ZNF347: variants seen among roughly 807,000 people sequenced by gnomAD.
The protein encoded by ZNF347 is zinc finger protein 347.
Under a neutral mutation model 12.9 loss-of-function variants are expected in ZNF347, and 19 were observed. The ratio of observed to expected loss-of-function variants is 1.47; its 90% CI spans 1.03 to 2.16. The LOEUF is 2.16. Ranked by LOEUF, ZNF347 falls within the 30% of genes most tolerant of loss-of-function variation. The pLI, the probability that ZNF347 is intolerant of heterozygous loss-of-function variation, is 0.00. For missense variants in ZNF347, 1,005 were observed against 990.6 expected (o/e 1.01, Z -0.19); for synonymous variants, 328 against 340.6 (o/e 0.96, Z 0.41).
At chr19:53,158,204 G>A (rs2090547766) in intron 1 of ZNF347, among the ~76,000 whole-genome samples, 1 of 152,220 alleles carries the variant, frequency 6.6e-6, no homozygotes, top group African/African-American at 2.4e-5. Context: ...GCGGGCTCAG[G>A]AGAAGCGGGG....
Position 53,141,023 on chromosome 19 carries a change from C to A in ZNF347, c.1805G>T (p.Cys602Phe). 6.2e-7 allele frequency: 1 copy of A among 1,613,546 alleles called. No individual in the cohort carries two copies. Among genetic ancestry groups the A allele is most frequent in the Non-Finnish European group, 8.5e-7 (1 of 1,179,978 alleles). Reference sequence around the variant, plus strand: ...TGAATTATGCCTAAAGACCTTGCCACATTCATTACATTTATAAGGTTTCTC... The same window carrying A: ...TGAATTATGCCTAAAGACCTTGCCAAATTCATTACATTTATAAGGTTTCTC... ...TGEKPYKCNE[C>F]GKVFRHNSYL... The change falls in exon 5 of 5, where the codon TGT becomes TTT. Residue 602 changes from cysteine (C) to phenylalanine (F), a missense_variant. Coordinates refer to ENST00000334197, the MANE Select transcript of ZNF347 (RefSeq NM_032584.3).
rs1332477161 is a variant in ZNF347 at position 53,135,329 on chromosome 19, TATATATATATAGAGAG to T, written c.*4963_*4978del. Reference sequence around the variant, plus strand: ...ATATATATATATATATATATATATATATATATATATAGAGAGAGAGAGAGAGAGAGAGAGAGAGAAA... The same window carrying T: ...ATATATATATATATATATATATATATAGAGAGAGAGAGAGAGAGAGAGAAA... On this transcript the variant is annotated 3_prime_UTR_variant, in exon 5 of 5. Transcript: ENST00000334197. 21 of 47,542 alleles carry T rather than the reference TATATATATATAGAGAG, an allele frequency of 4.4e-4. No homozygotes were observed. The highest frequency in any genetic ancestry group is 1.3e-3 in the South Asian group (2 of 1,498). 2.9% of individuals were successfully genotyped at this position (47,542 alleles called of 1,614,324 possible). A position where few individuals can be genotyped will look rare whatever the true frequency, so the allele number is the denominator to read the frequency against.
intron 1 of ZNF347, among the ~76,000 whole-genome samples, chr19:53,156,926 G>A (rs773793635): frequency 1.3e-5 from 2 of 152,166 alleles, no homozygotes; most frequent in Non-Finnish European, 2.9e-5. Flanking sequence ...TTGTTGGTGG[G>A]AGAAATCCGC....
rs766640127 is a variant in ZNF347, at chr19:53,141,210, GCTTCAC to G, written c.1612_1617del (p.Val538_Lys539del). 2.5e-6 allele frequency: 4 copies of G among 1,608,278 alleles called. No homozygotes were observed. Among genetic ancestry groups the G allele is most frequent in the Non-Finnish European group, 3.4e-6 (4 of 1,175,758 alleles). On this transcript the variant is annotated inframe_deletion, in exon 5 of 5. Transcript: ENST00000334197. Reference sequence around the variant, plus strand: ...TTGCCGCACTCATTACACATATAAGGCTTCACTCCAGTATGAATTCTTTGATGATTT... The same window carrying G: ...TTGCCGCACTCATTACACATATAAGGTCCAGTATGAATTCTTTGATGATTT...
rs954746588 is a variant in ZNF347, at chr19:53,142,012, T to C, written c.816A>G (p.Gln272=). The change falls in exon 5 of 5, where the codon CAA becomes CAG. Residue 272 remains glutamine, a synonymous_variant. Transcript: ENST00000334197. The part of the protein sequence containing the change: ...KSNGCGMVFP[Q]NSHLASHQRS... Reference sequence around the variant, plus strand: ...TCTGATGACTTGCAAGGTGTGAATTTTGAGGAAAGACCATGCCACATCCAT... The same window carrying C: ...TCTGATGACTTGCAAGGTGTGAATTCTGAGGAAAGACCATGCCACATCCAT... 2.5e-6 allele frequency: 4 copies of C among 1,614,144 alleles called. No individual in the cohort carries two copies. Among genetic ancestry groups the C allele is most frequent in the Non-Finnish European group, 3.4e-6 (4 of 1,179,990 alleles).
At chr19:53,144,004 G>T (rs1375399631) in intron 4 of ZNF347, among the ~76,000 whole-genome samples, 1 of 152,142 alleles carries the variant, frequency 6.6e-6, no homozygotes, top group African/African-American at 2.4e-5. Flanking sequence ...AAAAAGCAAT[G>T]AATTAAAACA....
rs1256845518 is a variant in ZNF347, at chr19:53,140,717, G to A, written c.2111C>T (p.Thr704Ile). 6.2e-7 allele frequency: 1 copy of A among 1,613,288 alleles called. No homozygotes were observed. ...SKLARHQRVH[T>I]GEKPYECNQC... ...ATTACACTCATATGGTTTCTCTCCA[G>A]TATGAACTCTCTGATGCCTTGCAAG... The change falls in exon 5 of 5, where the codon ACT becomes ATT. Residue 704 changes from threonine to isoleucine, a missense_variant. Thr to Ile is a moderately conservative substitution (Grantham distance 89). Transcript: ENST00000334197.
At chr19:53,152,885 A>G (rs1021440946) in intron 2 of ZNF347, among the ~76,000 whole-genome samples, 1 of 152,066 alleles carries the variant, frequency 6.6e-6, no homozygotes, top group Non-Finnish European at 1.5e-5. Context: ...GGCTGAGATC[A>G]TGCCACTGCA....
At chr19:53,156,304 C>A (rs1315407712) in intron 1 of ZNF347, among the ~76,000 whole-genome samples, 1 of 151,754 alleles carries the variant, frequency 6.6e-6, no homozygotes, top group Non-Finnish European at 1.5e-5. Context: ...GAGGCTGAGG[C>A]AGGCAGGAGA....
At chr19:53,147,363 A>C (rs1406871896) in intron 4 of ZNF347, among the ~76,000 whole-genome samples, 2 of 151,226 alleles carry the variant, frequency 1.3e-5, no homozygotes, top group African/African-American at 4.9e-5. Flanking sequence ...CAAGAGAACG[A>C]GACTGCATCT....
rs759327247 is a variant in ZNF347 at position 53,142,306 on chromosome 19, A to G, written c.522T>C (p.Asp174=). 1.9e-6 allele frequency: 3 copies of G among 1,613,886 alleles called. No homozygotes were observed. The highest frequency in any genetic ancestry group is 1.7e-6 in the Non-Finnish European group (2 of 1,179,978). Residue 174 remains aspartate (D), a synonymous_variant, in exon 5 of 5, where the codon GAT becomes GAC. Coordinates refer to ENST00000334197, the MANE Select transcript of ZNF347 (RefSeq NM_032584.3). The part of the protein sequence containing the change: ...THGRDEHDKR[D]ARNKLIKNQL... The stretch of plus-strand genomic sequence containing the variant: ...GATTTTTAATAAGCTTGTTTCTTGC[A>G]TCTCTTTTATCATGTTCATCTCTTC...
At position 53,138,767 on chromosome 19, in the gene ZNF347, AAAATG is replaced by A. The variant is rs780481609; in HGVS notation, c.*1536_*1540del. 5 of 152,208 alleles carry A rather than the reference AAAATG, an allele frequency of 3.3e-5. No individual in the cohort carries two copies. The highest frequency in any genetic ancestry group is 4.8e-5 in the African/African-American group (2 of 41,460). 9.4% of individuals were successfully genotyped at this position (152,208 alleles called of 1,614,324 possible). On this transcript the variant is annotated 3_prime_UTR_variant, in exon 5 of 5. Transcript: ENST00000334197. ...ATGAAGTATCCTACTGAGGTAGGATAAAATGATGTTGGTACAAAGAATGTGATTTG... is the reference window on the plus strand; with the variant it reads ...ATGAAGTATCCTACTGAGGTAGGATAATGTTGGTACAAAGAATGTGATTTG...
rs2090381094 is a variant in ZNF347, at chr19:53,135,331, TATATATATAGAGAGAG to T, written c.*4961_*4976del. 2 of 57,782 alleles carry T rather than the reference TATATATATAGAGAGAG, an allele frequency of 3.5e-5. No individual in the cohort carries two copies. The highest frequency in any genetic ancestry group is 5.6e-4 in the South Asian group (1 of 1,784). 3.6% of individuals were successfully genotyped at this position (57,782 alleles called of 1,614,324 possible). ...ATATATATATATATATATATATATA[TATATATATAGAGAGAG>T]AGAGAGAGAGAGAGAGAGAGAAAGA... On this transcript the variant is annotated 3_prime_UTR_variant, in exon 5 of 5. Coordinates refer to ENST00000334197, the MANE Select transcript of ZNF347 (RefSeq NM_032584.3).
chr19:53,158,163 T>A (rs574145960), intron 1 of ZNF347, among the ~76,000 whole-genome samples: 48 of 152,180 alleles, frequency 3.2e-4, no homozygotes, highest in African/African-American at 1.1e-3. Flanking sequence ...ACACCGGGTG[T>A]CACAGGACAG....
chr19:53,142,794 C>T (rs546445782), intron 4 of ZNF347, among the ~76,000 whole-genome samples: 4 of 152,186 alleles, frequency 2.6e-5, no homozygotes, highest in African/African-American at 9.6e-5. Context: ...AGCCTAGTTC[C>T]CAACCTACAA....
Position 53,142,101 on chromosome 19 carries a change from T to G in ZNF347, c.727A>C (p.Ile243Leu), listed in dbSNP as rs746317381. The change falls in exon 5 of 5, where the codon ATC becomes CTC. Residue 243 changes from isoleucine (I) to leucine (L), a missense_variant. By Grantham distance (5) the Ile-to-Leu change is conservative. Coordinates refer to ENST00000334197, the MANE Select transcript of ZNF347 (RefSeq NM_032584.3). ...CCCTGTGTGAGTAATAAAGAAGAGA[T>G]AAAATCTTTGAGATATTTCTTAGAA... ...HISKKYLKDF[I>L]SSLLLTQGQK... 7 of 1,612,844 alleles carry G rather than the reference T, an allele frequency of 4.3e-6. No individual in the cohort carries two copies. Among genetic ancestry groups the G allele is most frequent in the South Asian group, 1.1e-5 (1 of 90,620 alleles).
chr19:53,155,112 A>G (rs925054454), intron 1 of ZNF347, among the ~76,000 whole-genome samples: 6 of 151,658 alleles, frequency 4.0e-5, no homozygotes, highest in African/African-American at 1.5e-4. Flanking sequence ...TAATTTTTGT[A>G]TTTTTAGTAG....
In ZNF347 at chr19:53,135,331, T is replaced by TAGAG. The variant is rs2090381034; in HGVS notation, c.*4976_*4977insCTCT. On this transcript the variant is annotated 3_prime_UTR_variant, in exon 5 of 5. Transcript: ENST00000334197. ...ATATATATATATATATATATATATA[T>TAGAG]ATATATATAGAGAGAGAGAGAGAGA... 3.5e-5 allele frequency: 2 copies of TAGAG among 57,758 alleles called. No individual in the cohort carries two copies. The highest frequency in any genetic ancestry group is 5.0e-4 in the East Asian group (1 of 2,012). 3.6% of individuals were successfully genotyped at this position (57,758 alleles called of 1,614,324 possible).
chr19:53,148,986 C>A, intron 3 of ZNF347, 177 bp from the exon 4 acceptor site: 1 of 1,086,846 alleles, frequency 9.2e-7, no homozygotes, highest in Non-Finnish European at 1.3e-6. Flanking sequence ...ATATATAGCT[C>A]TCATCCCAAA....
Sources: allele counts gnomAD v4.1 joint callset (sites outside exome capture counted in the v4.1 genomes callset), GRCh38; gene constraint gnomAD v4.1.1; transcripts MANE v1.5; gene names NCBI Gene and HGNC (gene_info 2026-07-23, HGNC 2026-07-21).